The following MCC variants were observed in gnomAD, a reference collection of about 807,000 sequenced individuals.
MCC encodes colorectal mutant cancer protein.
In MCC, 90 loss-of-function variants were observed where a neutral mutation model predicts 116.2. The observed-to-expected ratio is 0.77, with a 90% CI of 0.65 to 0.92. The LOEUF is 0.92. Among genes scored for constraint, MCC ranks in the 40% least tolerant of loss-of-function variants. MCC has a pLI of 0.00. For missense variants in MCC, 1,516 were observed against 1,312.2 expected (o/e 1.16, Z -2.40); for synonymous variants, 578 against 510.5 (o/e 1.13, Z -1.78).
chr5:113,278,161 G>C (rs1425305724), intron 3 of MCC, among the ~76,000 whole-genome samples: 3 of 152,146 alleles, frequency 2.0e-5, no homozygotes, highest in Non-Finnish European at 4.4e-5. Flanking sequence ...GGGACTTCAG[G>C]AATCAAACCC....
intron 1 of MCC, among the ~76,000 whole-genome samples, chr5:113,386,738 G>A (rs1465687216): frequency 4.0e-5 from 5 of 125,566 alleles, no homozygotes; most frequent in Non-Finnish European, 8.1e-5. Context: ...ATGTGTGTCT[G>A]TGTCCATATG....
chr5:113,097,029 T>G (rs1430405330), intron 8 of MCC, among the ~76,000 whole-genome samples: 1 of 152,130 alleles, frequency 6.6e-6, no homozygotes, highest in African/African-American at 2.4e-5. Flanking sequence ...GAATTTAAAC[T>G]CAGCTAATAT....
intron 5 of MCC, among the ~76,000 whole-genome samples, chr5:113,128,010 T>C (rs1329162326): frequency 6.6e-6 from 1 of 152,246 alleles, no homozygotes; most frequent in Non-Finnish European, 1.5e-5. Context: ...AAGGAAAAGA[T>C]ATTTCATTGT....
At chr5:113,096,137 G>A (rs1165981406) in intron 8 of MCC, among the ~76,000 whole-genome samples, 1 of 152,224 alleles carries the variant, frequency 6.6e-6, no homozygotes, top group Non-Finnish European at 1.5e-5. Context: ...GCTTATCACT[G>A]CTACATGGTG....
chr5:113,161,620 ATGTGTGTGTGTGTGTGTGTGTGTGTGTG>A (rs57962617), intron 3 of MCC, among the ~76,000 whole-genome samples: 47 of 148,442 alleles, frequency 3.2e-4, no homozygotes, highest in Admixed American at 9.3e-4. Flanking sequence ...GTTTAGATTT[ATGTGTGTGTGTGTGTGTGTGTGTGTGTG>A]TGTGTGTGTG....
chr5:113,073,863 G>A (rs962450573), intron 11 of MCC, among the ~76,000 whole-genome samples: 1 of 152,216 alleles, frequency 6.6e-6, no homozygotes, highest in Non-Finnish European at 1.5e-5. Context: ...GGTTGAGTAG[G>A]TAAACAAAGT....
intron 2 of MCC, among the ~76,000 whole-genome samples, chr5:113,358,790 G>A (rs1051637337): frequency 1.3e-5 from 2 of 152,234 alleles, no homozygotes; most frequent in Admixed American, 6.5e-5. Flanking sequence ...GACATCAACA[G>A]AAGCAGCAGT....
intron 3 of MCC, among the ~76,000 whole-genome samples, chr5:113,248,242 A>G (rs557211048): frequency 9.0e-4 from 137 of 151,942 alleles, no homozygotes; most frequent in Non-Finnish European, 1.5e-3. Flanking sequence ...ATTTAAAAAA[A>G]AAAAAAAAAA....
chr5:113,233,328 T>C (rs949299104), intron 3 of MCC, among the ~76,000 whole-genome samples: 2 of 152,244 alleles, frequency 1.3e-5, no homozygotes, highest in Non-Finnish European at 2.9e-5. Context: ...TGTTTTCCTA[T>C]AATTATCTTA....
Position 113,488,343 on chromosome 5 carries a change from G to A in MCC, c.72C>T (p.Ser24=), listed in dbSNP as rs777084386. The A allele has an allele frequency of 1.3e-6, 2 of 1,512,006 alleles. No individual in the cohort carries two copies. The highest frequency in any genetic ancestry group is 1.8e-6 in the Non-Finnish European group (2 of 1,136,086). 93.7% of individuals were successfully genotyped at this position (1,512,006 alleles called of 1,614,324 possible). Residue 24 remains serine, a synonymous_variant, in exon 1 of 19, where the codon AGC becomes AGT. Transcript: ENST00000408903. ...SSGGGGGGSG[S]SSSSSDTSST... ...TGGACGTGTCGCTGCTGCTGCTGCT[G>A]CTGCCGCTGCCGCCGCCGCCGCCGC...
chr5:113,136,932 TC>T lies in MCC; in HGVS notation c.884+6285del, dbSNP rs374260622. ...ATGAAAGTGGGCATCCCTGTCTTAT[TC>T]CAGTCTTTAGAGGAAAGGCCTTCAG... On this transcript the variant is annotated intron_variant, in intron 5 of 18. Transcript: ENST00000408903. 4.0e-4 allele frequency among the ~76,000 whole-genome samples: 61 copies of T among 152,310 alleles called. No individual in the cohort carries two copies. In the East Asian group the frequency reaches 0.011, roughly 28 times the overall value.
chr5:113,134,475 T>A (rs944848127), intron 5 of MCC, among the ~76,000 whole-genome samples: 2 of 152,154 alleles, frequency 1.3e-5, no homozygotes, highest in Non-Finnish European at 2.9e-5. Context: ...TGCCACAGCT[T>A]TGTAGCATAA....
chr5:113,430,791 G>A (rs538076389), intron 1 of MCC, among the ~76,000 whole-genome samples: 4 of 152,278 alleles, frequency 2.6e-5, no homozygotes, highest in Admixed American at 6.5e-5. Context: ...GGTGGTCAGC[G>A]TGAAGAGACT....
At chr5:113,137,302 C>G (rs1321276303) in intron 5 of MCC, among the ~76,000 whole-genome samples, 1 of 152,178 alleles carries the variant, frequency 6.6e-6, no homozygotes, top group Non-Finnish European at 1.5e-5. Flanking sequence ...AGTCACCTCC[C>G]TCCCTCAATA....
intron 1 of MCC, among the ~76,000 whole-genome samples, chr5:113,452,668 C>G (rs1175967687): frequency 6.6e-6 from 1 of 152,206 alleles, no homozygotes; most frequent in Non-Finnish European, 1.5e-5. Flanking sequence ...GACTAAGACA[C>G]TATATTTGCA....
chr5:113,129,796 C>T (rs1758317295), intron 5 of MCC, among the ~76,000 whole-genome samples: 1 of 152,218 alleles, frequency 6.6e-6, no homozygotes, highest in African/African-American at 2.4e-5. Flanking sequence ...TACTATCTCA[C>T]ACCAGTTAGA....
chr5:113,324,682 G>C (rs1733493458), intron 3 of MCC, among the ~76,000 whole-genome samples: 1 of 152,142 alleles, frequency 6.6e-6, no homozygotes, highest in South Asian at 2.1e-4. Flanking sequence ...AGAATCTAAA[G>C]GTAGCACTGG....
chr5:113,143,784 T>C (rs1759333391), intron 4 of MCC, among the ~76,000 whole-genome samples: 1 of 152,226 alleles, frequency 6.6e-6, no homozygotes, highest in African/African-American at 2.4e-5. Context: ...AGCATCTCTC[T>C]TAGTTCCTGC....
chr5:113,341,675 T>C (rs1768015633), intron 2 of MCC, among the ~76,000 whole-genome samples: 1 of 152,100 alleles, frequency 6.6e-6, no homozygotes, highest in Non-Finnish European at 1.5e-5. Context: ...TCTGGCCTGG[T>C]TCAGATGGGA....
Sources: gnomAD v4.1 joint callset for allele counts (sites outside exome capture counted in the v4.1 genomes callset) on GRCh38, gnomAD v4.1.1 for gene constraint, MANE v1.5 for transcripts, NCBI Gene and HGNC (gene_info 2026-07-23, HGNC 2026-07-21) for gene names.